Variants in RAD18 observed in about 807,000 individuals in gnomAD.
RAD18 encodes RAD18 E3 ubiquitin protein ligase, also known as E3 ubiquitin-protein ligase RAD18.
A neutral mutation model predicts 60.4 loss-of-function variants in RAD18; 47 were observed. The ratio of observed to expected loss-of-function variants is 0.78; its 90% confidence interval spans 0.62 to 0.99. The LOEUF (loss-of-function observed/expected upper bound fraction) is 0.99. RAD18 is among the 50% of genes least tolerant of loss of function. RAD18 has a pLI of 0.00. For missense variants in RAD18, 640 were observed against 593.3 expected (o/e 1.08, Z -0.82); for synonymous variants, 225 against 195.5 (o/e 1.15, Z -1.26).
chr3:8,890,448 G>T lies in RAD18; in HGVS notation c.1326C>A (p.Ser442=). Residue 442 remains serine, a synonymous_variant, in exon 12 of 13, where the codon TCC becomes TCA. Coordinates refer to ENST00000264926, the MANE Select transcript of RAD18 (RefSeq NM_020165.4). ...AAAGATCTCTTATGATGTCTGAACTGGAACTAAAAGGATATGTACATCAGT... is the reference window on the plus strand; with the variant it reads ...AAAGATCTCTTATGATGTCTGAACTTGAACTAAAAGGATATGTACATCAGT... ...SSSESDSCNS[S]SSDIIRDLLE... is the part of the protein sequence containing the mutation. 6.3e-7 allele frequency: 1 copy of T among 1,578,930 alleles called. No homozygotes were observed. Among genetic ancestry groups the T allele is most frequent in the Non-Finnish European group, 8.7e-7 (1 of 1,148,150 alleles).
chr3:8,934,199 A>C (rs1271739881), intron 7 of RAD18, among the ~76,000 whole-genome samples: 1 of 152,042 alleles, frequency 6.6e-6, no homozygotes, highest in Non-Finnish European at 1.5e-5. Context: ...TTTTAAAAGA[A>C]AACAAGAGAA....
intron 2 of RAD18, among the ~76,000 whole-genome samples, chr3:8,950,097 C>T (rs192402603): frequency 6.6e-6 from 1 of 152,246 alleles, no homozygotes; most frequent in East Asian, 1.9e-4. Flanking sequence ...GTGGCGCAAT[C>T]TCGGCTCAAT....
intron 4 of RAD18, among the ~76,000 whole-genome samples, chr3:8,943,346 G>A (rs201583158): frequency 8.2e-5 from 11 of 133,882 alleles, no homozygotes; most frequent in Non-Finnish European, 9.8e-5. Flanking sequence ...GAAAAAAAAA[G>A]AAAAGGGATA....
chr3:8,915,585 C>CT (rs749576578), intron 7 of RAD18, among the ~76,000 whole-genome samples: 2,351 of 139,812 alleles, frequency 0.017, 30 homozygotes, highest in Non-Finnish European at 0.021. Context: ...GGCTATTTTC[C>CT]TTTTTTTTTT....
chr3:8,944,122 G>A (rs1452932580), intron 4 of RAD18, among the ~76,000 whole-genome samples: 3 of 152,148 alleles, frequency 2.0e-5, no homozygotes, highest in East Asian at 3.9e-4. Flanking sequence ...AGAAGACCTC[G>A]TTACAAATCC....
intron 1 of RAD18, among the ~76,000 whole-genome samples, chr3:8,961,365 A>C (rs748298496): frequency 6.6e-6 from 1 of 152,240 alleles, no homozygotes; most frequent in Non-Finnish European, 1.5e-5. Flanking sequence ...GAAAAACGTA[A>C]TAATTACAAA....
chr3:8,915,079 G>A (rs556993504), intron 7 of RAD18, among the ~76,000 whole-genome samples: 1 of 147,376 alleles, frequency 6.8e-6, no homozygotes, highest in Admixed American at 7.0e-5. Context: ...AACCCGGGAG[G>A]CGGAGCTTGC....
rs57924753 is a variant in RAD18 at position 8,884,808 on chromosome 3, G to A, written c.1386-3349C>T. Among the ~76,000 whole-genome samples the A allele has an allele frequency of 1.8e-3, 278 of 152,250 alleles. 3 individuals are homozygous for A. Among genetic ancestry groups the A allele is most frequent in the African/African-American group, 6.6e-3 (273 of 41,544 alleles). ...TCTAAAACACCTCATCCCCTAAGAT[G>A]CAAGAATCCTAATAGAATAACCCAG... On this transcript the variant is annotated intron_variant, in intron 12 of 12. Transcript: ENST00000264926.
At chr3:8,908,589 G>C (rs1464598482) in intron 9 of RAD18, among the ~76,000 whole-genome samples, 1 of 152,136 alleles carries the variant, frequency 6.6e-6, no homozygotes, top group Non-Finnish European at 1.5e-5. Flanking sequence ...CTGACATCTT[G>C]ATCTTGGACT....
intron 6 of RAD18, among the ~76,000 whole-genome samples, chr3:8,936,713 G>A (rs1314691205): frequency 6.6e-6 from 1 of 152,116 alleles, no homozygotes; most frequent in African/African-American, 2.4e-5. Context: ...TTTTACAAAG[G>A]ATTTGCATAT....
intron 9 of RAD18, among the ~76,000 whole-genome samples, chr3:8,904,731 T>C (rs1320326858): frequency 1.3e-5 from 2 of 152,196 alleles, no homozygotes. Context: ...GTAGTTTCTA[T>C]TAGGCGAGGG....
chr3:8,929,497 TA>T (rs1277753129), intron 7 of RAD18, among the ~76,000 whole-genome samples: 1 of 152,104 alleles, frequency 6.6e-6, no homozygotes, highest in African/African-American at 2.4e-5. Context: ...TTCAACAACT[TA>T]GATGAAATGA....
At chr3:8,907,301 T>C (rs1467723935) in intron 9 of RAD18, among the ~76,000 whole-genome samples, 1 of 147,068 alleles carries the variant, frequency 6.8e-6, no homozygotes, top group Non-Finnish European at 1.5e-5. Context: ...TTGTTTTAGG[T>C]AGGAGAATAA....
At chr3:8,919,028 G>A (rs1174682607) in intron 7 of RAD18, among the ~76,000 whole-genome samples, 1 of 152,216 alleles carries the variant, frequency 6.6e-6, no homozygotes, top group East Asian at 1.9e-4. Context: ...TTCAGCCTGT[G>A]CAGGGCATCC....
At chr3:8,943,399 T>TA (rs1445474157) in intron 4 of RAD18, among the ~76,000 whole-genome samples, 2 of 150,596 alleles carry the variant, frequency 1.3e-5, no homozygotes, top group Non-Finnish European at 3.0e-5. Context: ...TAAAAAAGAA[T>TA]AAAATGAACA....
chr3:8,908,447 G>C (rs1940050314), intron 9 of RAD18, among the ~76,000 whole-genome samples: 1 of 152,074 alleles, frequency 6.6e-6, no homozygotes, highest in African/African-American at 2.4e-5. Flanking sequence ...ATAGAGGGAA[G>C]ACGATGTCAA....
intron 7 of RAD18, among the ~76,000 whole-genome samples, chr3:8,923,578 T>A (rs1393001296): frequency 1.3e-5 from 2 of 151,798 alleles, no homozygotes; most frequent in Non-Finnish European, 2.9e-5. Context: ...ACAGAGATAC[T>A]CCTCGAGAAG....
At chr3:8,961,093 T>G (rs1247561069) in intron 1 of RAD18, among the ~76,000 whole-genome samples, 1 of 152,198 alleles carries the variant, frequency 6.6e-6, no homozygotes, top group Non-Finnish European at 1.5e-5. Flanking sequence ...TCACACTTTC[T>G]TATCTATGCC....
At position 8,879,872 on chromosome 3, in the gene RAD18, A is replaced by C. The variant is rs1939428437; in HGVS notation, c.*1485T>G. 6.6e-6 allele frequency: 1 copy of C among 152,248 alleles called. No individual in the cohort carries two copies. The highest frequency in any genetic ancestry group is 2.4e-5 in the African/African-American group (1 of 41,470). 9.4% of individuals were successfully genotyped at this position (152,248 alleles called of 1,614,324 possible). A position where few individuals can be genotyped will look rare whatever the true frequency, so the allele number is the denominator to read the frequency against. ...CTCACAAACTCCTTTTGCTGCAATT[A>C]AAGTAATAATTACTTCCAGTTTAAT... On this transcript the variant is annotated 3_prime_UTR_variant, in exon 13 of 13. Transcript: ENST00000264926.
Sources: allele counts gnomAD v4.1 joint callset (sites outside exome capture counted in the v4.1 genomes callset), GRCh38; gene constraint gnomAD v4.1.1; transcripts MANE v1.5; gene names NCBI Gene and HGNC (gene_info 2026-07-23, HGNC 2026-07-21).